The following MDGA2 variants were observed in gnomAD, a reference collection of about 807,000 sequenced individuals.
MDGA2 encodes MAM domain-containing glycosylphosphatidylinositol anchor protein 2.
A neutral mutation model predicts 117.8 loss-of-function variants in MDGA2; 40 were observed. That is an observed-to-expected ratio of 0.34 (90% confidence interval 0.26 to 0.44). MDGA2 has a LOEUF of 0.44. MDGA2 is among the 20% of genes least tolerant of loss of function. MDGA2 has a pLI of 1.00. For synonymous variants in MDGA2, 452 were observed against 439.0 expected, an observed-to-expected ratio of 1.03 and a Z score of -0.37; for missense variants, 1,123 against 1,250.6, an observed-to-expected ratio of 0.90 and a Z score of 1.54.
chr14:47,586,005 T>C (rs1896318207), intron 1 of MDGA2, among the ~76,000 whole-genome samples: 1 of 151,868 alleles, frequency 6.6e-6, no homozygotes, highest in Non-Finnish European at 1.5e-5. Context: ...TCAACCTAGG[T>C]CACATGTTTA....
chr14:46,868,587 A>G (rs1881871472), intron 14 of MDGA2, among the ~76,000 whole-genome samples: 1 of 151,988 alleles, frequency 6.6e-6, no homozygotes. Context: ...AAAGATCTTT[A>G]CCCTGGAAGC....
At chr14:47,120,345 A>T (rs891430684) in intron 5 of MDGA2, among the ~76,000 whole-genome samples, 1 of 152,168 alleles carries the variant, frequency 6.6e-6, no homozygotes, top group Non-Finnish European at 1.5e-5. Flanking sequence ...TCAAAAACCA[A>T]TACTGCTGAC....
chr14:47,500,780 A>T (rs1894383312), intron 1 of MDGA2, among the ~76,000 whole-genome samples: 1 of 152,214 alleles, frequency 6.6e-6, no homozygotes, highest in African/African-American at 2.4e-5. Context: ...AACTGTAGTT[A>T]GTTAGAAGCA....
In MDGA2 at chr14:47,129,596, G is replaced by A. The variant is rs1278681191; in HGVS notation, c.925+2118C>T. Among the ~76,000 whole-genome samples the A allele has an allele frequency of 7.4e-5, 11 of 148,920 alleles. No homozygotes were observed. In the East Asian group the frequency reaches 2.0e-3, roughly 27 times the overall value. On this transcript the variant is annotated intron_variant, in intron 5 of 16. Transcript: ENST00000399232. ...TAGCAGCATGATTTATAGTCCTTTGGGTATATACCCAGTAATGGGATGGCT... is the reference window on the plus strand; with the variant it reads ...TAGCAGCATGATTTATAGTCCTTTGAGTATATACCCAGTAATGGGATGGCT...
intron 2 of MDGA2, among the ~76,000 whole-genome samples, chr14:47,284,690 C>T (rs1888611889): frequency 6.6e-6 from 1 of 152,216 alleles, no homozygotes; most frequent in South Asian, 2.1e-4. Context: ...CTAATCTACT[C>T]CATTATACTA....
At chr14:47,478,525 A>ATACCATGAC (rs1893888988) in intron 1 of MDGA2, among the ~76,000 whole-genome samples, 1 of 151,912 alleles carries the variant, frequency 6.6e-6, no homozygotes, top group Non-Finnish European at 1.5e-5. Flanking sequence ...CAGGTGCCCG[A>ATACCATGAC]TACCATGACT....
chr14:47,356,363 T>A (rs1378659043), intron 1 of MDGA2, among the ~76,000 whole-genome samples: 1 of 152,222 alleles, frequency 6.6e-6, no homozygotes, highest in African/African-American at 2.4e-5. Context: ...GCCCTCCATA[T>A]GACACCTTAA....
intron 6 of MDGA2, among the ~76,000 whole-genome samples, chr14:47,081,124 T>C (rs542348241): frequency 6.6e-6 from 1 of 152,146 alleles, no homozygotes; most frequent in South Asian, 2.1e-4. Flanking sequence ...GACAACACCT[T>C]CATTTTTAAA....
At chr14:47,322,762 A>G (rs1242396990) in intron 1 of MDGA2, among the ~76,000 whole-genome samples, 1 of 152,166 alleles carries the variant, frequency 6.6e-6, no homozygotes, top group Non-Finnish European at 1.5e-5. Context: ...TGTTATTACT[A>G]TTCTTTAAAG....
At chr14:47,422,904 AATAG>A (rs1306598777) in intron 1 of MDGA2, among the ~76,000 whole-genome samples, 1 of 152,150 alleles carries the variant, frequency 6.6e-6, no homozygotes, top group African/African-American at 2.4e-5. Context: ...ATGGATTTTA[AATAG>A]ATAGATGATA....
At chr14:47,591,689 A>AAACCACATGAT (rs1484104659) in intron 1 of MDGA2, among the ~76,000 whole-genome samples, 1 of 151,216 alleles carries the variant, frequency 6.6e-6, no homozygotes, top group Admixed American at 6.6e-5. Flanking sequence ...ACTAAAGACA[A>AAACCACATGAT]TATCTCAATA....
intron 7 of MDGA2, among the ~76,000 whole-genome samples, chr14:47,046,098 A>G (rs187078320): frequency 2.0e-5 from 3 of 151,778 alleles, no homozygotes; most frequent in African/African-American, 7.3e-5. Flanking sequence ...GCACATGTAT[A>G]CATATGTAAC....
intron 10 of MDGA2, among the ~76,000 whole-genome samples, chr14:46,886,392 T>A (rs115977012): frequency 6.6e-6 from 1 of 152,050 alleles, no homozygotes; most frequent in Non-Finnish European, 1.5e-5. Context: ...AAAATTAATT[T>A]TGAAGTAGAT....
chr14:47,455,272 G>A (rs1266784459), intron 1 of MDGA2, among the ~76,000 whole-genome samples: 2 of 152,028 alleles, frequency 1.3e-5, no homozygotes, highest in African/African-American at 4.8e-5. Context: ...TTGGGAGGTC[G>A]AGGTGGGCGG....
chr14:46,934,316 A>G (rs753598314), intron 9 of MDGA2, among the ~76,000 whole-genome samples: 21 of 152,064 alleles, frequency 1.4e-4, no homozygotes, highest in Non-Finnish European at 2.8e-4. Flanking sequence ...AACTAAAAAC[A>G]TGGACTTATG....
chr14:47,144,497 T>C (rs1882855839), intron 3 of MDGA2, among the ~76,000 whole-genome samples: 2 of 152,194 alleles, frequency 1.3e-5, no homozygotes, highest in Non-Finnish European at 2.9e-5. Context: ...AAAATTAATC[T>C]TGTATATTTC....
chr14:47,158,358 G>T (rs1353372731), intron 3 of MDGA2, among the ~76,000 whole-genome samples: 1 of 121,374 alleles, frequency 8.2e-6, no homozygotes, highest in African/African-American at 3.3e-5. Context: ...CATATCCCTG[G>T]GGTGGGTGTG....
intron 6 of MDGA2, among the ~76,000 whole-genome samples, chr14:47,073,989 A>G (rs1252818066): frequency 6.6e-6 from 1 of 152,124 alleles, no homozygotes; most frequent in Non-Finnish European, 1.5e-5. Flanking sequence ...TTTGCATTGA[A>G]TATCACTCAC....
chr14:47,054,933 T>C (rs1889615466), intron 7 of MDGA2, among the ~76,000 whole-genome samples: 3 of 151,818 alleles, frequency 2.0e-5, no homozygotes, highest in African/African-American at 7.2e-5. Flanking sequence ...TTTCTGTATC[T>C]TTTTTTTCTT....
Sources: gnomAD v4.1 joint callset for allele counts (sites outside exome capture counted in the v4.1 genomes callset) on GRCh38, gnomAD v4.1.1 for gene constraint, MANE v1.5 for transcripts, NCBI Gene and HGNC (gene_info 2026-07-23, HGNC 2026-07-21) for gene names.